Variants in CMIP observed in about 807,000 individuals in gnomAD.
CMIP encodes the protein c-Maf inducing protein.
In CMIP, 13 loss-of-function variants were observed where a neutral mutation model predicts 97.3. The ratio of observed to expected loss-of-function variants is 0.13; its 90% CI spans 0.09 to 0.21. CMIP has a LOEUF of 0.21. Among genes scored for constraint, CMIP ranks in the 10% least tolerant of loss-of-function variants. The pLI, the probability that CMIP is intolerant of heterozygous loss-of-function variation, is 1.00. For missense variants in CMIP, 847 were observed against 1,024.9 expected, an observed-to-expected ratio of 0.83 and a Z score of 2.37; for synonymous variants, 538 against 436.3, an observed-to-expected ratio of 1.23 and a Z score of -2.91.
chr16:81,457,384 A>G (rs2150734624), intron 1 of CMIP, among the ~76,000 whole-genome samples: 1 of 152,262 alleles, frequency 6.6e-6, no homozygotes, highest in Non-Finnish European at 1.5e-5. Context: ...CAAGAAGAAA[A>G]AAATCCTCCC....
At chr16:81,670,326 G>T (rs2151039925) in intron 8 of CMIP, 81 bp downstream of exon 8, 1 of 1,422,936 alleles carries the variant, frequency 7.0e-7, no homozygotes. Context: ...ATCCACGGGG[G>T]GCTGTCGTGT....
chr16:81,535,723 C>G (rs953281676), intron 1 of CMIP, among the ~76,000 whole-genome samples: 1 of 152,096 alleles, frequency 6.6e-6, no homozygotes, highest in South Asian at 2.1e-4. Flanking sequence ...CTTGAGTGTT[C>G]AGACACTCGT....
intron 1 of CMIP, chr16:81,517,980 A>G: frequency 1.1e-6 from 1 of 910,802 alleles, no homozygotes. Context: ...GAATTTTTTC[A>G]CAAAGTAAGT....
chr16:81,512,409 C>G (rs979194187), intron 1 of CMIP, among the ~76,000 whole-genome samples: 2 of 152,184 alleles, frequency 1.3e-5, no homozygotes, highest in African/African-American at 2.4e-5. Context: ...CACCAGCAAT[C>G]ACTGCTCAGG....
At chr16:81,635,746 G>C (rs1043881690) in intron 3 of CMIP, among the ~76,000 whole-genome samples, 2 of 152,162 alleles carry the variant, frequency 1.3e-5, no homozygotes, top group African/African-American at 4.8e-5. Flanking sequence ...TTATAAATAA[G>C]GAGTTTTCAG....
intron 1 of CMIP, among the ~76,000 whole-genome samples, chr16:81,457,846 C>A (rs555004975): frequency 6.6e-6 from 1 of 152,190 alleles, no homozygotes; most frequent in East Asian, 1.9e-4. Context: ...TGGTGTGGGG[C>A]CAAGAGCCGG....
rs899584196 is a variant in CMIP, at chr16:81,670,385, G to T, written c.929+140G>T. 5.6e-5 allele frequency: 47 copies of T among 844,150 alleles called. No individual in the cohort carries two copies. In the Middle Eastern group the frequency reaches 3.1e-3, roughly 56 times the overall value. 52.3% of individuals were successfully genotyped at this position (844,150 alleles called of 1,614,324 possible). ...GAGGAAGCCCCTAGCCTACTGCACGGTGCCCGATAGGAACTCGGACACACT... is the reference window on the plus strand; with the variant it reads ...GAGGAAGCCCCTAGCCTACTGCACGTTGCCCGATAGGAACTCGGACACACT... On this transcript the variant is annotated intron_variant, in intron 8 of 20. Transcript: ENST00000537098.
At chr16:81,613,962 C>G (rs915815000) in intron 2 of CMIP, among the ~76,000 whole-genome samples, 1 of 152,196 alleles carries the variant, frequency 6.6e-6, no homozygotes, top group East Asian at 1.9e-4. Flanking sequence ...CTAAGTCAGA[C>G]GTGGTTCCTG....
At chr16:81,540,946 C>T (rs190629143) in intron 1 of CMIP, among the ~76,000 whole-genome samples, 156 of 146,588 alleles carry the variant, frequency 1.1e-3, no homozygotes, top group Middle Eastern at 3.7e-3. Context: ...TCCCAAAGTG[C>T]TGGGATTACA....
intron 1 of CMIP, among the ~76,000 whole-genome samples, chr16:81,541,406 G>T (rs2090446671): frequency 6.6e-6 from 1 of 152,158 alleles, no homozygotes; most frequent in African/African-American, 2.4e-5. Context: ...ACTTTCAGTG[G>T]CAGAGGGCTG....
At chr16:81,647,330 A>G (rs569446955) in intron 3 of CMIP, among the ~76,000 whole-genome samples, 1 of 152,290 alleles carries the variant, frequency 6.6e-6, no homozygotes, top group Non-Finnish European at 1.5e-5. Flanking sequence ...TGTGGGCCAC[A>G]TTGGATTTCT....
chr16:81,473,944 C>G (rs1469705478), intron 1 of CMIP, among the ~76,000 whole-genome samples: 2 of 151,828 alleles, frequency 1.3e-5, no homozygotes, highest in African/African-American at 2.4e-5. Context: ...ATGTGACTTA[C>G]CACAGGCCTG....
At chr16:81,515,685 G>A (rs1312339626) in intron 1 of CMIP, among the ~76,000 whole-genome samples, 2 of 152,228 alleles carry the variant, frequency 1.3e-5, no homozygotes, top group Admixed American at 1.3e-4. Context: ...AGGACCGGAG[G>A]TTGGTAGCTG....
chr16:81,605,673 G>C (rs569309745), intron 1 of CMIP, among the ~76,000 whole-genome samples: 1 of 152,240 alleles, frequency 6.6e-6, no homozygotes, highest in South Asian at 2.1e-4. Context: ...CTTTGCACTG[G>C]CCGTGGGGTC....
At chr16:81,514,257 G>A (rs1472110459) in intron 1 of CMIP, among the ~76,000 whole-genome samples, 1 of 152,228 alleles carries the variant, frequency 6.6e-6, no homozygotes, top group Admixed American at 6.5e-5. Context: ...GGTGGGGCAG[G>A]CAGGGAGGAG....
chr16:81,675,996 G>T (rs373638342), intron 9 of CMIP, among the ~76,000 whole-genome samples: 3 of 152,244 alleles, frequency 2.0e-5, no homozygotes, highest in Admixed American at 2.0e-4. Context: ...AGAGTCCACA[G>T]TGGGTTGTAA....
chr16:81,652,386 C>G lies in CMIP; in HGVS notation c.639+22C>G, dbSNP rs1375850680. On this transcript the variant is annotated intron_variant, in intron 4 of 20. Transcript: ENST00000537098. The surrounding 1 kb of genome is among the most constrained non-coding windows in gnomAD (Gnocchi z 5.2). ...AGAGGTAAAACCCCTCCCCTGGACC[C>G]CTTTACATTGTTTGCCTTTCCCTCC... 2 of 1,596,914 alleles carry G rather than the reference C, an allele frequency of 1.3e-6. No individual in the cohort carries two copies. Among genetic ancestry groups the G allele is most frequent in the African/African-American group, 1.4e-5 (1 of 74,072 alleles).
intron 3 of CMIP, among the ~76,000 whole-genome samples, chr16:81,648,550 G>A (rs150601611): frequency 4.0e-4 from 61 of 152,160 alleles, no homozygotes; most frequent in Admixed American, 9.8e-4. Context: ...TTGGGAGGCC[G>A]AGGCGGGTGG....
chr16:81,669,628 A>C (rs1597224512), intron 7 of CMIP, among the ~76,000 whole-genome samples: 1 of 94,908 alleles, frequency 1.1e-5, no homozygotes. Context: ...CCAACCTCTC[A>C]CCTCCTTCCA....
Sources: gnomAD v4.1 joint callset for allele counts (sites outside exome capture counted in the v4.1 genomes callset) on GRCh38, gnomAD v4.1.1 for gene constraint, Gnocchi (gnomAD v3.1) non-coding constraint, MANE v1.5 for transcripts, NCBI Gene and HGNC (gene_info 2026-07-23, HGNC 2026-07-21) for gene names.